Variants in DNAJC3 observed in about 807,000 individuals in gnomAD.
DNAJC3 encodes dnaJ homolog subfamily C member 3.
Under a neutral mutation model 68.6 loss-of-function variants are expected in DNAJC3, and 38 were observed. That is an observed-to-expected ratio of 0.55 (90% CI 0.43 to 0.73). The LOEUF is 0.73. Ranked by LOEUF, DNAJC3 falls within the 30% of genes least tolerant of loss-of-function variation. The probability of loss-of-function intolerance (pLI) is 0.00; values close to 1 mark genes in which losing one functional copy is unlikely to be tolerated. For synonymous variants in DNAJC3, 203 were observed against 204.0 expected (o/e 1.00, Z 0.04); for missense variants, 526 against 591.9 (o/e 0.89, Z 1.16).
chr13:95,696,615 A>G (rs1880447597), intron 1 of DNAJC3, among the ~76,000 whole-genome samples: 1 of 152,158 alleles, frequency 6.6e-6, no homozygotes, highest in South Asian at 2.1e-4. Context: ...GTTTTATCTG[A>G]TATAAGAATG....
rs1400898649 is a variant in DNAJC3, at chr13:95,793,553, C to G, written c.*2523C>G. The G allele has an allele frequency of 6.8e-6, 1 of 147,194 alleles. No homozygotes were observed. Among genetic ancestry groups the G allele is most frequent in the Non-Finnish European group, 1.5e-5 (1 of 67,504 alleles). The allele number at this position is 147,194 out of a possible 1,614,324, so 9.1% of individuals were successfully genotyped here. The stretch of plus-strand genomic sequence containing the variant: ...TGCCCAGGCTGGAGTGCAGGGACAC[C>G]TCCCGGGTTCAAGCAGTTCTCCTGC... On this transcript the variant is annotated 3_prime_UTR_variant, in exon 12 of 12. Coordinates refer to ENST00000602402, the MANE Select transcript of DNAJC3 (RefSeq NM_006260.5).
chr13:95,705,605 G>A (rs1198267243), intron 1 of DNAJC3, among the ~76,000 whole-genome samples: 2 of 151,276 alleles, frequency 1.3e-5, no homozygotes, highest in Admixed American at 1.3e-4. Context: ...ATAGCTCACT[G>A]CAGACTTGAA....
At chr13:95,723,172 G>A in intron 2 of DNAJC3, 70 bp from the exon 3 acceptor site, 1 of 1,422,186 alleles carries the variant, frequency 7.0e-7, no homozygotes, top group Non-Finnish European at 9.5e-7. Flanking sequence ...TACTGTCCAG[G>A]TGATTTGTTT....
In DNAJC3 at chr13:95,792,831, G is replaced by C. The variant is rs189573419; in HGVS notation, c.*1801G>C. ...TGTCAGCAATATCTTTTTCAATCTG[G>C]TTCCTTTTGTATATGATGTCACTGT... On this transcript the variant is annotated 3_prime_UTR_variant, in exon 12 of 12. Transcript: ENST00000602402. 40 of 152,166 alleles carry C rather than the reference G, an allele frequency of 2.6e-4. No homozygotes were observed. The highest frequency in any genetic ancestry group is 2.6e-3 in the Admixed American group (39 of 15,292). The allele number at this position is 152,166 out of a possible 1,614,324, so 9.4% of individuals were successfully genotyped here.
chr13:95,763,874 T>A lies in DNAJC3; in HGVS notation c.996T>A (p.Val332=). The change falls in exon 9 of 12, where the codon GTT becomes GTA. Residue 332 remains valine (V), a synonymous_variant. Coordinates refer to ENST00000602402, the MANE Select transcript of DNAJC3 (RefSeq NM_006260.5). ...PVEAIRVCSE[V]LQMEPDNVNA... ...AAGCTATTAGGGTTTGTTCTGAAGT[T>A]TTACAGATGGAACCTGACAATGTGA... 1 of 1,614,078 alleles carries A rather than the reference T, an allele frequency of 6.2e-7. No homozygotes were observed. The highest frequency in any genetic ancestry group is 8.5e-7 in the Non-Finnish European group (1 of 1,179,962).
chr13:95,752,260 A>G (rs952476924), intron 4 of DNAJC3, among the ~76,000 whole-genome samples: 9 of 152,212 alleles, frequency 5.9e-5, no homozygotes, highest in Non-Finnish European at 8.8e-5. Context: ...GGTATTTACT[A>G]TATTAGAAAT....
chr13:95,715,567 T>C (rs929669919), intron 2 of DNAJC3, among the ~76,000 whole-genome samples: 1 of 151,424 alleles, frequency 6.6e-6, no homozygotes, highest in East Asian at 2.0e-4. Context: ...CTGCAACCTC[T>C]GCCTCCTGGG....
intron 1 of DNAJC3, among the ~76,000 whole-genome samples, chr13:95,683,693 G>A (rs546552879): frequency 2.0e-5 from 3 of 151,916 alleles, no homozygotes; most frequent in African/African-American, 4.8e-5. Context: ...TTGGGAGGCC[G>A]AGGTGGATGG....
chr13:95,761,356 G>A (rs1347172526), intron 7 of DNAJC3, among the ~76,000 whole-genome samples: 6 of 152,140 alleles, frequency 3.9e-5, no homozygotes, highest in African/African-American at 1.4e-4. Flanking sequence ...CTGTGTGAGT[G>A]TTGTTTGTAG....
At chr13:95,741,941 G>T (rs1882157935) in intron 4 of DNAJC3, among the ~76,000 whole-genome samples, 1 of 152,206 alleles carries the variant, frequency 6.6e-6, no homozygotes, top group Non-Finnish European at 1.5e-5. Flanking sequence ...GGCCCTTCCA[G>T]TGATGTGTAC....
chr13:95,787,257 C>T (rs561895883), intron 11 of DNAJC3, 102 bp downstream of exon 11: 54 of 1,446,456 alleles, frequency 3.7e-5, no homozygotes, highest in East Asian at 3.5e-4. Flanking sequence ...TAGGCAGTGA[C>T]GGGTCCTGAG....
intron 1 of DNAJC3, among the ~76,000 whole-genome samples, chr13:95,687,729 T>C (rs992750989): frequency 8.5e-5 from 13 of 152,228 alleles, no homozygotes; most frequent in African/African-American, 3.1e-4. Flanking sequence ...CTTAGTTCTT[T>C]TTGCTAAGGA....
chr13:95,766,195 A>G (rs1362598703), intron 9 of DNAJC3, among the ~76,000 whole-genome samples: 3 of 152,232 alleles, frequency 2.0e-5, no homozygotes, highest in Admixed American at 1.3e-4. Flanking sequence ...GATGGCAGGT[A>G]CATAATAAAG....
rs1883762174 is a variant in DNAJC3 at position 95,791,189 on chromosome 13, T to A, written c.*159T>A. 2.4e-6 allele frequency: 2 copies of A among 826,728 alleles called. No individual in the cohort carries two copies. The highest frequency in any genetic ancestry group is 3.7e-6 in the Non-Finnish European group (2 of 537,296). 51.2% of individuals were successfully genotyped at this position (826,728 alleles called of 1,614,324 possible). On this transcript the variant is annotated 3_prime_UTR_variant, in exon 12 of 12. Transcript: ENST00000602402. ...AAATCTGTTCTTATCCCTGTCAGAT[T>A]TATGGTTAATGGGTTTGCAACGGCA... is the stretch of plus-strand genomic sequence containing the variant.
intron 2 of DNAJC3, among the ~76,000 whole-genome samples, chr13:95,713,410 C>T (rs1566479308): frequency 6.6e-6 from 1 of 151,966 alleles, no homozygotes; most frequent in African/African-American, 2.4e-5. Context: ...ATAAAAAACA[C>T]CTAAGAAGAA....
chr13:95,709,875 G>A (rs570370960), intron 2 of DNAJC3, among the ~76,000 whole-genome samples: 6 of 152,170 alleles, frequency 3.9e-5, no homozygotes, highest in African/African-American at 1.4e-4. Context: ...TCCTGACCTC[G>A]TGATCCGCCC....
intron 11 of DNAJC3, 131 bp downstream of exon 11, chr13:95,787,286 G>C (rs997672122): frequency 2.7e-6 from 3 of 1,112,138 alleles, no homozygotes. Context: ...CAGAGGTCCA[G>C]TTTTATGCCT....
intron 9 of DNAJC3, among the ~76,000 whole-genome samples, chr13:95,784,856 C>T (rs1328512465): frequency 6.6e-6 from 1 of 151,974 alleles, no homozygotes; most frequent in Non-Finnish European, 1.5e-5. Flanking sequence ...TGCCTGTAGT[C>T]CCAGCTACTT....
rs1170761098 is a variant in DNAJC3, at chr13:95,792,241, T to C, written c.*1211T>C. The C allele has an allele frequency of 6.6e-6, 1 of 152,264 alleles. No individual in the cohort carries two copies. Among genetic ancestry groups the C allele is most frequent in the Non-Finnish European group, 1.5e-5 (1 of 68,050 alleles). The allele number at this position is 152,264 out of a possible 1,614,324, so 9.4% of individuals were successfully genotyped here. A position where few individuals can be genotyped will look rare whatever the true frequency, so the allele number is the denominator to read the frequency against. On this transcript the variant is annotated 3_prime_UTR_variant, in exon 12 of 12. Transcript: ENST00000602402. ...CTTCTTACCTTTTAAGAAGATACTA[T>C]TTAAGAAGTGAACTATTCAGTCTTT...
Sources: allele counts gnomAD v4.1 joint callset (sites outside exome capture counted in the v4.1 genomes callset), GRCh38; gene constraint gnomAD v4.1.1; transcripts MANE v1.5; gene names NCBI Gene and HGNC (gene_info 2026-07-23, HGNC 2026-07-21).